The following KCMF1 variants were observed in gnomAD, a reference collection of about 807,000 sequenced individuals.
KCMF1 encodes the protein E3 ubiquitin-protein ligase KCMF1.
A neutral mutation model predicts 41.1 loss-of-function variants in KCMF1; 3 were observed. The observed-to-expected ratio is 0.07, with a 90% CI of 0.03 to 0.19. KCMF1 has a LOEUF of 0.19. KCMF1 is among the 10% of genes least tolerant of loss of function. The pLI is 1.00. For missense variants in KCMF1, 286 were observed against 488.9 expected, an observed-to-expected ratio of 0.58 and a Z score of 3.91; for synonymous variants, 142 against 164.5, an observed-to-expected ratio of 0.86 and a Z score of 1.04.
intron 1 of KCMF1, among the ~76,000 whole-genome samples, chr2:85,004,372 A>G (rs576285961): frequency 2.0e-5 from 3 of 152,174 alleles, no homozygotes; most frequent in African/African-American, 7.2e-5. Flanking sequence ...TTAGGCAGGC[A>G]TGGTGGCGGG....
At chr2:85,024,111 T>C (rs952468245) in intron 1 of KCMF1, among the ~76,000 whole-genome samples, 2 of 152,240 alleles carry the variant, frequency 1.3e-5, no homozygotes, top group African/African-American at 4.8e-5. Context: ...ACCAAACTTT[T>C]GTCTGTCATG....
intron 1 of KCMF1, among the ~76,000 whole-genome samples, chr2:84,994,513 C>G (rs1674131053): frequency 6.6e-6 from 1 of 152,144 alleles, no homozygotes; most frequent in Non-Finnish European, 1.5e-5. Flanking sequence ...AAGCGATTCT[C>G]CTGCCTCAGC....
chr2:85,016,550 C>T (rs1398276208), intron 1 of KCMF1, among the ~76,000 whole-genome samples: 1 of 152,058 alleles, frequency 6.6e-6, no homozygotes, highest in Non-Finnish European at 1.5e-5. Flanking sequence ...ATCTAGGCTC[C>T]CAGTTTATGA....
At chr2:85,035,591 G>A (rs1422638671) in intron 3 of KCMF1, among the ~76,000 whole-genome samples, 2 of 152,072 alleles carry the variant, frequency 1.3e-5, no homozygotes, top group African/African-American at 4.8e-5. Context: ...GTAGCATATC[G>A]CTGATCTTAC....
intron 6 of KCMF1, 38 bp from the exon 7 acceptor site, chr2:85,053,110 T>G (rs1222035394): frequency 6.4e-7 from 1 of 1,563,058 alleles, no homozygotes; most frequent in East Asian, 2.3e-5. Flanking sequence ...GTTCATTGAC[T>G]TTTTAACAAT....
chr2:84,983,883 C>A (rs574510862), intron 1 of KCMF1, among the ~76,000 whole-genome samples: 1 of 152,142 alleles, frequency 6.6e-6, no homozygotes, highest in Admixed American at 6.5e-5. Context: ...TGACCTCAAG[C>A]AATCCTACCT....
rs376337862 is a variant in KCMF1, at chr2:85,031,117, T to G, written c.184+3061T>G. On this transcript the variant is annotated intron_variant, in intron 2 of 6. Coordinates refer to ENST00000409785, the MANE Select transcript of KCMF1 (RefSeq NM_020122.5). Reference sequence around the variant, plus strand: ...TTCTTTTTCAATATTATTTTGGGTATTCTGTGTCCGTTTCATTTCTGTATT... The same window carrying G: ...TTCTTTTTCAATATTATTTTGGGTAGTCTGTGTCCGTTTCATTTCTGTATT... 6.6e-5 allele frequency among the ~76,000 whole-genome samples: 10 copies of G among 152,362 alleles called. No homozygotes were observed. The East Asian group carries it at 1.7e-3, about 26-fold the overall frequency.
chr2:85,015,086 G>A (rs191517239), intron 1 of KCMF1, among the ~76,000 whole-genome samples: 13 of 149,342 alleles, frequency 8.7e-5, no homozygotes, highest in Admixed American at 2.0e-4. Context: ...CCAAGGAGGC[G>A]GAGGTTGCAG....
chr2:85,025,445 C>T (rs1662010875), intron 1 of KCMF1, among the ~76,000 whole-genome samples: 1 of 152,040 alleles, frequency 6.6e-6, no homozygotes, highest in African/African-American at 2.4e-5. Context: ...TTCTTGGAAC[C>T]ATCACCACTG....
At chr2:84,971,527 C>G (rs1490673907) in intron 1 of KCMF1, 60 bp downstream of exon 1, 3 of 1,020,078 alleles carry the variant, frequency 2.9e-6, no homozygotes, top group East Asian at 1.0e-4. Flanking sequence ...CCGCCCGGGC[C>G]GGGCGCGGCG....
At chr2:84,987,590 T>C (rs1337897376) in intron 1 of KCMF1, among the ~76,000 whole-genome samples, 3 of 152,092 alleles carry the variant, frequency 2.0e-5, no homozygotes, top group Non-Finnish European at 4.4e-5. Context: ...CATTTTCAGC[T>C]TTTGATGTTT....
intron 1 of KCMF1, among the ~76,000 whole-genome samples, chr2:85,016,217 A>T (rs1368333519): frequency 6.6e-6 from 1 of 151,668 alleles, no homozygotes; most frequent in Non-Finnish European, 1.5e-5. Flanking sequence ...CCCCTATTTC[A>T]TTTCTCTTTC....
At chr2:85,039,434 T>TA (rs971189196) in intron 3 of KCMF1, among the ~76,000 whole-genome samples, 46 of 150,806 alleles carry the variant, frequency 3.1e-4, no homozygotes, top group East Asian at 2.9e-3. Flanking sequence ...CTGTTGTTTT[T>TA]AAAAAAAAAA....
intron 3 of KCMF1, among the ~76,000 whole-genome samples, chr2:85,038,901 G>A (rs953456411): frequency 6.6e-6 from 1 of 152,106 alleles, no homozygotes; most frequent in African/African-American, 2.4e-5. Flanking sequence ...AAATATTTTG[G>A]TAGAGACTTC....
At chr2:84,978,940 C>T (rs1463422457) in intron 1 of KCMF1, among the ~76,000 whole-genome samples, 1 of 152,078 alleles carries the variant, frequency 6.6e-6, no homozygotes, top group Admixed American at 6.6e-5. Context: ...TCTCGAACTC[C>T]TGACCTCAGG....
intron 2 of KCMF1, among the ~76,000 whole-genome samples, chr2:85,032,521 C>T (rs568363612): frequency 1.2e-4 from 18 of 152,148 alleles, no homozygotes; most frequent in Admixed American, 8.5e-4. Flanking sequence ...AGACTACAGG[C>T]GTGCACCACC....
At chr2:85,000,128 T>C (rs535001016) in intron 1 of KCMF1, among the ~76,000 whole-genome samples, 4 of 152,298 alleles carry the variant, frequency 2.6e-5, no homozygotes, top group African/African-American at 9.6e-5. Context: ...AAATTAAATA[T>C]AACTAAGACG....
At position 85,053,477 on chromosome 2, in the gene KCMF1, T is replaced by G; in HGVS notation, c.*68T>G. The G allele has an allele frequency of 6.9e-7, 1 of 1,455,648 alleles. No individual in the cohort carries two copies. The highest frequency in any genetic ancestry group is 9.2e-7 in the Non-Finnish European group (1 of 1,083,546). The allele number at this position is 1,455,648 out of a possible 1,614,324, so 90.2% of individuals were successfully genotyped here. A position where few individuals can be genotyped will look rare whatever the true frequency, so the allele number is the denominator to read the frequency against. ...CCAATGAAAGTGGACAACAACTATC[T>G]TGGGTTTGTTTGGTGATTGTAATTT... On this transcript the variant is annotated 3_prime_UTR_variant, in exon 7 of 7. Transcript: ENST00000409785.
chr2:84,982,778 T>G (rs1258483096), intron 1 of KCMF1, among the ~76,000 whole-genome samples: 3 of 152,188 alleles, frequency 2.0e-5, no homozygotes, highest in Admixed American at 1.3e-4. Context: ...AGTTTTCATG[T>G]TCAAAGATCT....
Sources: allele counts gnomAD v4.1 joint callset (sites outside exome capture counted in the v4.1 genomes callset), GRCh38; gene constraint gnomAD v4.1.1; transcripts MANE v1.5; gene names NCBI Gene and HGNC (gene_info 2026-07-23, HGNC 2026-07-21).